COL9A1: variants seen among roughly 807,000 people sequenced by gnomAD.
COL9A1 encodes the protein collagen type IX alpha 1 chain, also known as collagen alpha-1(IX) chain.
COL9A1 carries 104 observed loss-of-function variants against 142.6 expected under a neutral mutation model. That is an observed-to-expected ratio of 0.73 (90% confidence interval 0.62 to 0.86). The LOEUF (loss-of-function observed/expected upper bound fraction) is 0.86, where lower values mean the gene tolerates loss of function less well. Among genes scored for constraint, COL9A1 ranks in the 40% least tolerant of loss-of-function variants. The pLI is 0.00. For synonymous variants in COL9A1, 466 were observed against 396.0 expected, an observed-to-expected ratio of 1.18 and a Z score of -2.10; for missense variants, 1,210 against 1,176.6, an observed-to-expected ratio of 1.03 and a Z score of -0.42.
At chr6:70,239,159 G>T in intron 33 of COL9A1, 95 bp downstream of exon 33, 2 of 864,322 alleles carry the variant, frequency 2.3e-6, no homozygotes, top group South Asian at 1.5e-5. Flanking sequence ...AGAATTGAAT[G>T]TTACATAATG....
intron 10 of COL9A1, among the ~76,000 whole-genome samples, chr6:70,277,373 A>G (rs1450804745): frequency 2.0e-5 from 3 of 152,174 alleles, no homozygotes; most frequent in Non-Finnish European, 4.4e-5. Flanking sequence ...AACCTGAAAA[A>G]AGGGCAGATT....
intron 31 of COL9A1, 112 bp from the exon 32 acceptor site, chr6:70,240,845 G>A: frequency 1.2e-6 from 1 of 855,160 alleles, no homozygotes; most frequent in East Asian, 2.4e-5. Context: ...CCAGAATCAT[G>A]CAGAAATACA....
At chr6:70,247,721 T>A (rs1770691573) in intron 28 of COL9A1, among the ~76,000 whole-genome samples, 1 of 152,260 alleles carries the variant, frequency 6.6e-6, no homozygotes, top group Non-Finnish European at 1.5e-5. Flanking sequence ...AAGATATTTT[T>A]AAAATCTATT....
At position 70,253,453 on chromosome 6, in the gene COL9A1, T is replaced by G. The variant is rs701690; in HGVS notation, c.1720-24A>C. 0.4 allele frequency: 633,367 copies of G among 1,568,784 alleles called. 130,053 individuals are homozygous for G. The highest frequency in any genetic ancestry group is 0.49 in the African/African-American group (36,261 of 73,760). On this transcript the variant is annotated intron_variant, in intron 25 of 37. Coordinates refer to ENST00000357250, the MANE Select transcript of COL9A1 (RefSeq NM_001851.6). The stretch of plus-strand genomic sequence containing the variant: ...CCCTAAAAGAATACATACACAATCC[T>G]AGTTTAATCACCTCCTCTGAGAATC...
At chr6:70,259,048 A>G (rs1051829645) in intron 20 of COL9A1, among the ~76,000 whole-genome samples, 2 of 152,184 alleles carry the variant, frequency 1.3e-5, no homozygotes, top group African/African-American at 4.8e-5. Flanking sequence ...TAACAAATAC[A>G]AAGTTTTCAG....
intron 1 of COL9A1, 130 bp from the exon 2 acceptor site, chr6:70,302,204 C>CTTTTTTTTTTT (rs202054376): frequency 3.5e-6 from 1 of 288,314 alleles, no homozygotes; most frequent in Non-Finnish European, 6.6e-6. Context: ...TTTTTCATTT[C>CTTTTTTTTTTT]TTTTTTTTTT....
At chr6:70,239,367 G>A (rs1770107269) in intron 32 of COL9A1, 81 bp from the exon 33 acceptor site, 2 of 994,964 alleles carry the variant, frequency 2.0e-6, no homozygotes, top group Non-Finnish European at 3.2e-6. Flanking sequence ...AAGTTATTGT[G>A]CTACTAAAAT....
chr6:70,223,174 T>C (rs1768996232), intron 37 of COL9A1, among the ~76,000 whole-genome samples: 1 of 152,172 alleles, frequency 6.6e-6, no homozygotes, highest in Non-Finnish European at 1.5e-5. Context: ...AGAAAAAAGC[T>C]GCAGGGGCTG....
At chr6:70,234,433 G>A in intron 35 of COL9A1, 106 bp downstream of exon 35, 2 of 1,150,854 alleles carry the variant, frequency 1.7e-6, no homozygotes, top group Non-Finnish European at 1.3e-6. Flanking sequence ...CTATCTTTAA[G>A]GCACACAAAA....
Position 70,254,562 on chromosome 6 carries a change from C to A in COL9A1, c.1666-33G>T, listed in dbSNP as rs991399222. On this transcript the variant is annotated intron_variant, in intron 24 of 37. Transcript: ENST00000357250. ...AAAAGCTTTTATCACATGATTGAAC[C>A]TGTATGAGCTGCTGTATTTCTTTTA... 1.9e-6 allele frequency: 3 copies of A among 1,599,854 alleles called. No homozygotes were observed. The African/African-American group carries it at 4.0e-5, about 21-fold the overall frequency.
rs1226347511 is a variant in COL9A1, at chr6:70,300,057, G to A, written c.285C>T (p.Phe95=). 12 of 1,613,648 alleles carry A rather than the reference G, an allele frequency of 7.4e-6. No homozygotes were observed. Among genetic ancestry groups the A allele is most frequent in the Non-Finnish European group, 8.5e-6 (10 of 1,179,774 alleles). The change falls in exon 4 of 38, where the codon TTC becomes TTT. Residue 95 remains phenylalanine, a synonymous_variant. Coordinates refer to ENST00000357250, the MANE Select transcript of COL9A1 (RefSeq NM_001851.6). ...TGATAGATTACCTAGTTGGAATCCT[G>A]AAGTCTACATTATTTCCCAACTTGT... is the stretch of plus-strand genomic sequence containing the variant. ...VAYKLGNNVD[F]RIPTRNLYPS... is the part of the protein sequence containing the mutation.
At chr6:70,283,925 A>C in intron 5 of COL9A1, 105 bp from the exon 6 acceptor site, 1 of 844,244 alleles carries the variant, frequency 1.2e-6, no homozygotes, top group Non-Finnish European at 2.0e-6. Flanking sequence ...TTGGAAATCA[A>C]CTTGAACTGG....
chr6:70,263,303 G>C lies in COL9A1; in HGVS notation c.1342-6C>G, dbSNP rs1562311932. ...CCCTGGTCACCTTCTTCACCCTAAA[G>C]AAAAAAAAGAAAAAAGAAAAGCACA... On this transcript the variant is annotated splice_polypyrimidine_tract_variant and splice_region_variant and intron_variant, in intron 18 of 37. Transcript: ENST00000357250. The C allele has an allele frequency of 1.9e-6, 3 of 1,601,856 alleles. No individual in the cohort carries two copies. The South Asian group carries it at 3.4e-5, about 18-fold the overall frequency.
chr6:70,287,539 C>T (rs1165778973), intron 5 of COL9A1, among the ~76,000 whole-genome samples: 1 of 151,966 alleles, frequency 6.6e-6, no homozygotes, highest in Non-Finnish European at 1.5e-5. Context: ...AAGAAAAATC[C>T]TCCCCACATT....
intron 8 of COL9A1, 90 bp downstream of exon 8, chr6:70,281,299 TG>T (rs770709935): frequency 2.6e-6 from 3 of 1,135,812 alleles, no homozygotes; most frequent in Non-Finnish European, 3.7e-6. Flanking sequence ...TGGTCCTCTC[TG>T]AAAAAAAAAA....
intron 2 of COL9A1, among the ~76,000 whole-genome samples, chr6:70,301,107 A>T (rs1774045053): frequency 6.6e-6 from 1 of 152,220 alleles, no homozygotes; most frequent in African/African-American, 2.4e-5. Context: ...TAAATCCTCA[A>T]TTTGATAAGA....
intron 4 of COL9A1, among the ~76,000 whole-genome samples, chr6:70,297,382 T>A (rs193211446): frequency 2.2e-4 from 33 of 152,232 alleles, no homozygotes; most frequent in Admixed American, 1.8e-3. Flanking sequence ...TTATTGATCT[T>A]TGATCCTTTA....
At chr6:70,244,807 TTC>T (rs1238771923) in intron 28 of COL9A1, among the ~76,000 whole-genome samples, 3 of 152,174 alleles carry the variant, frequency 2.0e-5, no homozygotes, top group African/African-American at 4.8e-5. Context: ...GACTCTTATT[TTC>T]TCTGTCTTTT....
chr6:70,275,533 T>C (rs1583313883), intron 10 of COL9A1, among the ~76,000 whole-genome samples: 1 of 152,182 alleles, frequency 6.6e-6, no homozygotes, highest in South Asian at 2.1e-4. Flanking sequence ...TAAATACATA[T>C]TCTAAACATT....
Sources: gnomAD v4.1 joint callset for allele counts (sites outside exome capture counted in the v4.1 genomes callset) on GRCh38, gnomAD v4.1.1 for gene constraint, MANE v1.5 for transcripts, NCBI Gene and HGNC (gene_info 2026-07-23, HGNC 2026-07-21) for gene names.